The following ATP2A1 variants were observed in gnomAD, a reference collection of about 807,000 sequenced individuals.
ATP2A1 encodes the protein sarcoplasmic/endoplasmic reticulum calcium ATPase 1.
ATP2A1 carries 83 observed loss-of-function variants against 109.5 expected under a neutral mutation model. The observed-to-expected ratio is 0.76, with a 90% CI of 0.63 to 0.91. ATP2A1 has a LOEUF of 0.91. Among genes scored for constraint, ATP2A1 ranks in the 40% least tolerant of loss-of-function variants. The pLI is 0.00. For missense variants in ATP2A1, 1,101 were observed against 1,341.0 expected (o/e 0.82, Z 2.80); for synonymous variants, 505 against 537.6 (o/e 0.94, Z 0.84).
Position 28,887,782 on chromosome 16 carries a change from C to CTT in ATP2A1, c.928+63_928+64dup, listed in dbSNP as rs1963654952. 4.5e-6 allele frequency: 7 copies of CTT among 1,562,548 alleles called. No individual in the cohort carries two copies. The Admixed American group carries it at 1.2e-4, about 28-fold the overall frequency. ...AATCCCATCTGCAAAGACCCCTTTTCTTTTCTTTTCTTTTCTTTTTTTCTT... is the reference window on the plus strand; with the variant it reads ...AATCCCATCTGCAAAGACCCCTTTTCTTTTTTCTTTTCTTTTCTTTTTTTCTT... On this transcript the variant is annotated intron_variant, in intron 8 of 22. Coordinates refer to ENST00000395503, the MANE Select transcript of ATP2A1 (RefSeq NM_004320.6).
chr16:28,882,100 CTTTTTTTTTTTTT>C (rs778416146), intron 4 of ATP2A1, among the ~76,000 whole-genome samples: 1 of 90,412 alleles, frequency 1.1e-5, no homozygotes, highest in East Asian at 3.1e-4. Context: ...CTACGCCCGG[CTTTTTTTTTTTTT>C]TTTTTTTTTT....
At position 28,903,057 on chromosome 16, in the gene ATP2A1, G is replaced by A. The variant is rs748003836; in HGVS notation, c.2772G>A (p.Arg924=). The A allele has an allele frequency of 2.7e-5, 43 of 1,613,670 alleles. No homozygotes were observed. The highest frequency in any genetic ancestry group is 3.4e-5 in the Non-Finnish European group (40 of 1,179,988). ...TGTCCGAGAACCAGTCCCTGCTGCGGATGCCACCCTGGGTGAACATCTGGC... is the reference window on the plus strand; with the variant it reads ...TGTCCGAGAACCAGTCCCTGCTGCGAATGCCACCCTGGGTGAACATCTGGC... ...NSLSENQSLL[R]MPPWVNIWLL... is the part of the protein sequence containing the mutation. The change falls in exon 20 of 23, where the codon CGG becomes CGA. Residue 924 remains arginine (R), a synonymous_variant. Transcript: ENST00000395503. The surrounding 1 kb of genome is among the most constrained non-coding windows in gnomAD (Gnocchi z 5.6).
Position 28,900,630 on chromosome 16 carries a change from A to G in ATP2A1, c.1814A>G (p.Lys605Arg). 6.3e-7 allele frequency: 1 copy of G among 1,597,886 alleles called. No homozygotes were observed. Residue 605 changes from lysine (K) to arginine (R), a missense_variant, in exon 15 of 23, where the codon AAG becomes AGG. Physicochemically the swap from Lys to Arg is conservative, Grantham distance 26. Transcript: ENST00000395503. ...GTGGGCATGCTGGACCCTCCGCGCA[A>G]GGAGGTCACGGGCTCCATCCAGCTG... ...GVVGMLDPPR[K>R]EVTGSIQLCR...
At chr16:28,889,847 TA>T (rs1433606951) in intron 9 of ATP2A1, among the ~76,000 whole-genome samples, 5 of 152,142 alleles carry the variant, frequency 3.3e-5, no homozygotes, top group African/African-American at 1.2e-4. Flanking sequence ...AAATGTATAT[TA>T]ATAAAATAAA....
intron 14 of ATP2A1, 80 bp from the exon 15 acceptor site, chr16:28,900,501 T>C: frequency 8.4e-6 from 4 of 475,276 alleles, no homozygotes; most frequent in East Asian, 1.0e-4. Flanking sequence ...TTTCACCCCA[T>C]CCCCACCCCC....
At position 28,879,739 on chromosome 16, in the gene ATP2A1, T is replaced by A. The variant is rs1014069201; in HGVS notation, c.219+156T>A. On this transcript the variant is annotated intron_variant, in intron 3 of 22. Transcript: ENST00000395503. ...CGCGCAGCAGCGGGTGTGATTCGCGTCCTCCTCTCTCCTCCCCTGCACCCC... is the reference window on the plus strand; with the variant it reads ...CGCGCAGCAGCGGGTGTGATTCGCGACCTCCTCTCTCCTCCCCTGCACCCC... 153 of 841,566 alleles carry A rather than the reference T, an allele frequency of 1.8e-4. No individual in the cohort carries two copies. The East Asian group carries it at 4.1e-3, about 22-fold the overall frequency. The allele number at this position is 841,566 out of a possible 1,614,324, so 52.1% of individuals were successfully genotyped here.
At position 28,898,395 on chromosome 16, in the gene ATP2A1, C is replaced by T; in HGVS notation, c.1708C>T (p.Pro570Ser). Residue 570 changes from proline (P) to serine (S), a missense_variant, in exon 14 of 23, where the codon CCC (proline) becomes TCC (serine). Pro to Ser is a moderately conservative substitution (Grantham distance 74). Coordinates refer to ENST00000395503, the MANE Select transcript of ATP2A1 (RefSeq NM_004320.6). This position sits in a 1 kb window ranked among gnomAD's most constrained non-coding sequence, Gnocchi z 4.0. The part of the protein sequence containing the change: ...RCLALATRDT[P>S]PKREEMVLDD... ...CTTGGCCCTGGCCACCCGGGACACC[C>T]CCCCGAAGCGAGAGGAAATGGTCCT... The T allele has an allele frequency of 6.2e-7, 1 of 1,614,200 alleles. No homozygotes were observed. The highest frequency in any genetic ancestry group is 8.5e-7 in the Non-Finnish European group (1 of 1,180,036).
rs571426638 is a variant in ATP2A1, at chr16:28,883,592, C to T, written c.464-983C>T. Among the ~76,000 whole-genome samples, 13 of 152,294 alleles carry T rather than the reference C, an allele frequency of 8.5e-5. No individual in the cohort carries two copies. Among genetic ancestry groups the T allele is most frequent in the African/African-American group, 2.4e-4 (10 of 41,554 alleles). On this transcript the variant is annotated intron_variant, in intron 5 of 22. Transcript: ENST00000395503. This position sits in a 1 kb window ranked among gnomAD's most constrained non-coding sequence, Gnocchi z 5.2. ...GTGGGACCAGTGCGGAATTAGGCAG[C>T]GGCCCTGGGAGATTCTTAGCCTCCT...
Position 28,882,610 on chromosome 16 carries a change from G to T in ATP2A1, c.463+21G>T, listed in dbSNP as rs771904505. ...GGCTGGTGAGTGACAGGGACGGCTG[G>T]TCCAGGATGGGAGGCCTTGGGGCTG... is the stretch of plus-strand genomic sequence containing the variant. On this transcript the variant is annotated intron_variant, in intron 5 of 22. Coordinates refer to ENST00000395503, the MANE Select transcript of ATP2A1 (RefSeq NM_004320.6). 4 of 1,613,406 alleles carry T rather than the reference G, an allele frequency of 2.5e-6. No individual in the cohort carries two copies. The Admixed American group carries it at 6.7e-5, about 27-fold the overall frequency.
chr16:28,900,602 G>A lies in ATP2A1; in HGVS notation c.1786G>A (p.Val596Ile), dbSNP rs747622909. The A allele has an allele frequency of 2.7e-5, 43 of 1,575,324 alleles. No individual in the cohort carries two copies. The highest frequency in any genetic ancestry group is 3.6e-5 in the Non-Finnish European group (42 of 1,157,380). The change falls in exon 15 of 23, where the codon GTA (valine) becomes ATA (isoleucine). Residue 596 changes from valine (V) to isoleucine (I), a missense_variant. Coordinates refer to ENST00000395503, the MANE Select transcript of ATP2A1 (RefSeq NM_004320.6). The part of the protein sequence containing the change: ...EYETDLTFVG[V>I]VGMLDPPRKE... The stretch of plus-strand genomic sequence containing the variant: ...CCAGACGGACCTGACATTCGTGGGT[G>A]TAGTGGGCATGCTGGACCCTCCGCG...
At position 28,902,721 on chromosome 16, in the gene ATP2A1, C is replaced by T; in HGVS notation, c.2610+56C>T. 1 of 1,613,784 alleles carries T rather than the reference C, an allele frequency of 6.2e-7. No individual in the cohort carries two copies. Among genetic ancestry groups the T allele is most frequent in the South Asian group, 1.1e-5 (1 of 91,058 alleles). On this transcript the variant is annotated intron_variant, in intron 18 of 22. Transcript: ENST00000395503. This position sits in a 1 kb window ranked among gnomAD's most constrained non-coding sequence, Gnocchi z 4.8. ...GAGGGTGTGGGGATGCAGGAGGGTA[C>T]CAGGAGGGTGGCATGGAGGTGGCCC...
Position 28,903,167 on chromosome 16 carries a change from G to C in ATP2A1, c.2862+20G>C, listed in dbSNP as rs377366848. On this transcript the variant is annotated intron_variant, in intron 20 of 22. Coordinates refer to ENST00000395503, the MANE Select transcript of ATP2A1 (RefSeq NM_004320.6). This position sits in a 1 kb window ranked among gnomAD's most constrained non-coding sequence, Gnocchi z 5.6. ...CTGCCGGTGAGGTTTCTTCCGCCCAGGGCCGCCCACCCCAGCACTGGGGAG... is the reference window on the plus strand; with the variant it reads ...CTGCCGGTGAGGTTTCTTCCGCCCACGGCCGCCCACCCCAGCACTGGGGAG... The C allele has an allele frequency of 6.9e-5, 112 of 1,612,380 alleles. No homozygotes were observed. In the African/African-American group the frequency reaches 1.4e-3, roughly 20 times the overall value.
chr16:28,882,553 C>T lies in ATP2A1; in HGVS notation c.427C>T (p.Arg143Trp), dbSNP rs368487162. 2.0e-5 allele frequency: 32 copies of T among 1,614,086 alleles called. No individual in the cohort carries two copies. Among genetic ancestry groups the T allele is most frequent in the Admixed American group, 3.3e-5 (2 of 60,012 alleles). The change falls in exon 5 of 23, where the codon CGG becomes TGG. Residue 143 changes from arginine to tryptophan, a missense_variant. Transcript: ENST00000395503. ...CAAGTCAGTGCAAAGGATCAAGGCT[C>T]GGGACATCGTCCCTGGGGACATCGT... Reference protein sequence around the residue: ...DRKSVQRIKARDIVPGDIVEV... With the variant: ...DRKSVQRIKAWDIVPGDIVEV...
At chr16:28,881,041 C>T in intron 4 of ATP2A1, 22 bp downstream of exon 4, 1 of 1,605,338 alleles carries the variant, frequency 6.2e-7, no homozygotes. Context: ...CCCTTCCTTA[C>T]CCCTTCATGT....
In ATP2A1 at chr16:28,882,545, T is replaced by G. The variant is rs536668902; in HGVS notation, c.419T>G (p.Ile140Ser). 5 of 1,614,026 alleles carry G rather than the reference T, an allele frequency of 3.1e-6. No individual in the cohort carries two copies. The highest frequency in any genetic ancestry group is 4.2e-6 in the Non-Finnish European group (5 of 1,180,022). Residue 140 changes from isoleucine (I) to serine (S), a missense_variant, in exon 5 of 23, where the codon ATC (isoleucine) becomes AGC (serine). Physicochemically the swap from Ile to Ser is moderately radical, Grantham distance 142. Transcript: ENST00000395503. ...YRADRKSVQR[I>S]KARDIVPGDI... ...GCTGACCGCAAGTCAGTGCAAAGGATCAAGGCTCGGGACATCGTCCCTGGG... is the reference window on the plus strand; with the variant it reads ...GCTGACCGCAAGTCAGTGCAAAGGAGCAAGGCTCGGGACATCGTCCCTGGG...
At chr16:28,879,688 C>T (rs910769943) in intron 3 of ATP2A1, 105 bp downstream of exon 3, 3 of 1,320,822 alleles carry the variant, frequency 2.3e-6, no homozygotes, top group Non-Finnish European at 3.2e-6. Flanking sequence ...TCCCGAGCAT[C>T]CCATTGTACA....
At chr16:28,894,990 A>T in intron 12 of ATP2A1, 37 bp downstream of exon 12, 4 of 1,607,170 alleles carry the variant, frequency 2.5e-6, no homozygotes, top group Non-Finnish European at 1.7e-6. Flanking sequence ...GGCCGTCTCC[A>T]CTCTATGCTG....
At position 28,884,674 on chromosome 16, in the gene ATP2A1, G is replaced by A. The variant is rs1168096411; in HGVS notation, c.544+19G>A. ...CTGACAGGTCTGCTGGCCTGGGTGG[G>A]AAGATGCATGGGGGTGGGACGTGGG... On this transcript the variant is annotated intron_variant, in intron 6 of 22. Transcript: ENST00000395503. 2.5e-6 allele frequency: 4 copies of A among 1,584,022 alleles called. No homozygotes were observed. The South Asian group carries it at 3.3e-5, about 13-fold the overall frequency.
Position 28,894,138 on chromosome 16 carries a change from G to C in ATP2A1, c.1096-17G>C. ...GGAAGAGGTGGACATCTGTGTGCCT[G>C]CCCTTCTCCCCTGCAGATGTTTATC... On this transcript the variant is annotated splice_polypyrimidine_tract_variant and intron_variant, in intron 9 of 22. Coordinates refer to ENST00000395503, the MANE Select transcript of ATP2A1 (RefSeq NM_004320.6). 1 of 1,611,026 alleles carries C rather than the reference G, an allele frequency of 6.2e-7. No individual in the cohort carries two copies. The highest frequency in any genetic ancestry group is 8.5e-7 in the Non-Finnish European group (1 of 1,177,448).
Sources: gnomAD v4.1 joint callset for allele counts (sites outside exome capture counted in the v4.1 genomes callset) on GRCh38, gnomAD v4.1.1 for gene constraint, Gnocchi (gnomAD v3.1) non-coding constraint, MANE v1.5 for transcripts, NCBI Gene and HGNC (gene_info 2026-07-23, HGNC 2026-07-21) for gene names.